Variants in DNAH12 observed in about 807,000 individuals in gnomAD.
DNAH12 encodes the protein dynein axonemal heavy chain 12, also known as axonemal beta dynein heavy chain 12.
A neutral mutation model predicts 371.5 loss-of-function variants in DNAH12; 285 were observed. The ratio of observed to expected loss-of-function variants is 0.77; its 90% CI spans 0.70 to 0.85. The LOEUF is 0.85. Ranked by LOEUF, DNAH12 falls within the 40% of genes least tolerant of loss-of-function variation. The pLI is 0.00. For synonymous variants in DNAH12, 1,200 were observed against 1,213.0 expected, an observed-to-expected ratio of 0.99 and a Z score of 0.22; for missense variants, 3,611 against 3,689.4, an observed-to-expected ratio of 0.98 and a Z score of 0.55.
chr3:57,436,860 T>C, intron 30 of DNAH12, 91 bp downstream of exon 30: 1 of 918,494 alleles, frequency 1.1e-6, no homozygotes, highest in Non-Finnish European at 1.6e-6. Context: ...ACTCACCTAA[T>C]CAGTTTGCCA....
intron 14 of DNAH12, 80 bp downstream of exon 14, chr3:57,472,466 C>G: frequency 6.7e-7 from 1 of 1,488,294 alleles, no homozygotes. Context: ...AGTTAGATGG[C>G]CAGGAGATAT....
At chr3:57,352,657 A>T (rs553004626) in intron 59 of DNAH12, among the ~76,000 whole-genome samples, 3 of 145,558 alleles carry the variant, frequency 2.1e-5, no homozygotes, top group South Asian at 2.1e-4. Context: ...TCAGTTAATT[A>T]AAAAAAAAAA....
intron 45 of DNAH12, among the ~76,000 whole-genome samples, chr3:57,391,159 G>A (rs965019134): frequency 1.3e-5 from 2 of 152,164 alleles, no homozygotes; most frequent in Non-Finnish European, 2.9e-5. Context: ...GGGTGTTTCT[G>A]TGAGGGTGTT....
intron 8 of DNAH12, among the ~76,000 whole-genome samples, chr3:57,507,164 G>C (rs1397335699): frequency 6.6e-6 from 1 of 151,898 alleles, no homozygotes; most frequent in Non-Finnish European, 1.5e-5. Context: ...ATTTGAGGAG[G>C]CCATAAATAT....
chr3:57,549,098 G>T (rs1309460202), upstream of DNAH12, among the ~76,000 whole-genome samples: 3 of 152,128 alleles, frequency 2.0e-5, no homozygotes, highest in Non-Finnish European at 4.4e-5. Flanking sequence ...CAAGGTGGGA[G>T]GATCACTTGA....
chr3:57,306,226 G>A (rs1342449624), intron 69 of DNAH12, among the ~76,000 whole-genome samples: 2 of 152,090 alleles, frequency 1.3e-5, no homozygotes, highest in Non-Finnish European at 2.9e-5. Flanking sequence ...CTCTCACAGT[G>A]GAAGGTAAGT....
rs533668678 is a variant in DNAH12, at chr3:57,450,648, T to C, written c.3786+2195A>G. On this transcript the variant is annotated intron_variant, in intron 25 of 73. Coordinates refer to ENST00000495027, the MANE Select transcript of DNAH12 (RefSeq NM_001366028.2). ...TCTGACTTCACAGAGGTAACAGATA[T>C]GACATCCTATTTTGAAATTCATCTG... Among the ~76,000 whole-genome samples the C allele has an allele frequency of 2.0e-5, 3 of 152,364 alleles. No individual in the cohort carries two copies. In the South Asian group the frequency reaches 6.2e-4, roughly 32 times the overall value.
intron 12 of DNAH12, among the ~76,000 whole-genome samples, chr3:57,485,397 G>A (rs1248267778): frequency 6.9e-6 from 1 of 144,310 alleles, no homozygotes; most frequent in Non-Finnish European, 1.5e-5. Context: ...TGGAGCTGGA[G>A]GCCATTATTC....
intron 66 of DNAH12, among the ~76,000 whole-genome samples, chr3:57,311,555 T>C (rs2061584855): frequency 6.6e-6 from 1 of 152,252 alleles, no homozygotes; most frequent in Admixed American, 6.5e-5. Flanking sequence ...ACTGGGGTTT[T>C]GTCCCCCAGG....
intron 43 of DNAH12, among the ~76,000 whole-genome samples, chr3:57,397,020 A>C (rs1426854517): frequency 6.6e-6 from 1 of 152,192 alleles, no homozygotes; most frequent in African/African-American, 2.4e-5. Context: ...GTGAGAGTCC[A>C]TCTCAAAAAA....
intron 11 of DNAH12, chr3:57,498,607 C>T (rs2153388654): frequency 1.4e-6 from 1 of 712,462 alleles, no homozygotes; most frequent in Admixed American, 2.0e-5. Flanking sequence ...TAACTTTATT[C>T]ATAATAGCCA....
chr3:57,309,321 T>A, intron 68 of DNAH12, 67 bp from the exon 69 acceptor site: 1 of 1,246,846 alleles, frequency 8.0e-7, no homozygotes. Context: ...ATTCAGCCAT[T>A]ATATAATAAT....
At chr3:57,346,576 G>A (rs2062547934) in intron 60 of DNAH12, among the ~76,000 whole-genome samples, 1 of 152,030 alleles carries the variant, frequency 6.6e-6, no homozygotes, top group South Asian at 2.1e-4. Context: ...ATAGGAAACA[G>A]TAACATATAT....
intron 34 of DNAH12, among the ~76,000 whole-genome samples, chr3:57,427,058 T>C (rs2064793541): frequency 6.6e-6 from 1 of 152,050 alleles, no homozygotes; most frequent in Admixed American, 6.6e-5. Flanking sequence ...CTTTTTTCTA[T>C]GCCTAGAACA....
rs1024278263 is a variant in DNAH12, at chr3:57,390,123, C to T, written c.7305+1749G>A. Among the ~76,000 whole-genome samples the T allele has an allele frequency of 6.7e-5, 10 of 148,974 alleles. No homozygotes were observed. The East Asian group carries it at 8.7e-4, about 13-fold the overall frequency. On this transcript the variant is annotated intron_variant, in intron 45 of 73. Coordinates refer to ENST00000495027, the MANE Select transcript of DNAH12 (RefSeq NM_001366028.2). The stretch of plus-strand genomic sequence containing the variant: ...TGCTGGGATTACAGGCGTGAGCCAC[C>T]GTGCCCAACTGAGAGCACCAATATT...
At chr3:57,524,417 A>AT (rs982071706) in intron 2 of DNAH12, among the ~76,000 whole-genome samples, 8 of 151,996 alleles carry the variant, frequency 5.3e-5, no homozygotes, top group South Asian at 2.1e-4. Context: ...CTGTTAAGAG[A>AT]TTTTTTTTGC....
intron 11 of DNAH12, among the ~76,000 whole-genome samples, chr3:57,493,021 CA>C (rs2067185057): frequency 6.6e-6 from 1 of 151,902 alleles, no homozygotes; most frequent in African/African-American, 2.4e-5. Flanking sequence ...AACAAACAAA[CA>C]AACAAACAAA....
At chr3:57,489,436 T>A in intron 12 of DNAH12, 73 bp downstream of exon 12, 1 of 1,388,742 alleles carries the variant, frequency 7.2e-7, no homozygotes, top group Non-Finnish European at 9.4e-7. Context: ...CTTTTGTTTT[T>A]AAACAAGAGT....
intron 15 of DNAH12, among the ~76,000 whole-genome samples, chr3:57,471,243 T>A (rs2153380521): frequency 6.6e-6 from 1 of 151,694 alleles, no homozygotes; most frequent in Non-Finnish European, 1.5e-5. Flanking sequence ...TAGTCCCAGC[T>A]ACTCAGGAGG....
Sources: gnomAD v4.1 joint callset for allele counts (sites outside exome capture counted in the v4.1 genomes callset) on GRCh38, gnomAD v4.1.1 for gene constraint, MANE v1.5 for transcripts, NCBI Gene and HGNC (gene_info 2026-07-23, HGNC 2026-07-21) for gene names.